The following EGF variants were observed in gnomAD, a reference collection of about 807,000 sequenced individuals.
The protein encoded by EGF is epidermal growth factor, also known as pro-epidermal growth factor.
A neutral mutation model predicts 143.8 loss-of-function variants in EGF; 95 were observed. That is an observed-to-expected ratio of 0.66 (90% CI 0.56 to 0.78). EGF has a LOEUF of 0.78. Among genes scored for constraint, EGF ranks in the 30% least tolerant of loss-of-function variants. The pLI, the probability that EGF is intolerant of heterozygous loss-of-function variation, is 0.00. For synonymous variants in EGF, 510 were observed against 510.5 expected (o/e 1.00, Z 0.01); for missense variants, 1,320 against 1,470.9 (o/e 0.90, Z 1.68).
intron 2 of EGF, among the ~76,000 whole-genome samples, chr4:109,941,636 C>T (rs951684815): frequency 6.6e-6 from 1 of 152,048 alleles, no homozygotes; most frequent in Non-Finnish European, 1.5e-5. Context: ...AGAACAGCCC[C>T]AGAATAAAGA....
chr4:109,950,216 A>G (rs1232637760), intron 5 of EGF, among the ~76,000 whole-genome samples: 1 of 152,024 alleles, frequency 6.6e-6, no homozygotes, highest in Non-Finnish European at 1.5e-5. Context: ...TAACTAACCT[A>G]CCAACTTTCA....
chr4:109,951,726 G>A (rs187503598), intron 5 of EGF, among the ~76,000 whole-genome samples: 1 of 152,164 alleles, frequency 6.6e-6, no homozygotes, highest in African/African-American at 2.4e-5. Flanking sequence ...CCTGTTGAAG[G>A]TCACAGGGTG....
At position 110,013,294 on chromosome 4, in the gene EGF, G is replaced by A. The variant is rs1038901531; in HGVS notation, c.*1839G>A. On this transcript the variant is annotated 3_prime_UTR_variant, in exon 24 of 24. Coordinates refer to ENST00000265171, the MANE Select transcript of EGF (RefSeq NM_001963.6). ...ATTTTAGCACCTTTTTCTTTTAGGGGTTCAATGATGACAAAAGAAATGACA... is the reference window on the plus strand; with the variant it reads ...ATTTTAGCACCTTTTTCTTTTAGGGATTCAATGATGACAAAAGAAATGACA... 6.6e-6 allele frequency among the ~76,000 whole-genome samples: 1 copy of A among 151,980 alleles called. No homozygotes were observed. The highest frequency in any genetic ancestry group is 1.5e-5 in the Non-Finnish European group (1 of 68,014).
At chr4:109,996,588 C>A (rs1751824838) in intron 20 of EGF, among the ~76,000 whole-genome samples, 1 of 152,230 alleles carries the variant, frequency 6.6e-6, no homozygotes, top group Non-Finnish European at 1.5e-5. Context: ...CTTTACCCAT[C>A]CAACTTTTAT....
chr4:109,955,796 G>C (rs535956097), intron 5 of EGF, among the ~76,000 whole-genome samples: 1 of 152,150 alleles, frequency 6.6e-6, no homozygotes, highest in Non-Finnish European at 1.5e-5. Flanking sequence ...AAAAGGCACC[G>C]TGCTAGGTGT....
Position 109,944,086 on chromosome 4 carries a change from G to T in EGF, c.737+17G>T, listed in dbSNP as rs1330020993. 4 of 1,608,890 alleles carry T rather than the reference G, an allele frequency of 2.5e-6. No homozygotes were observed. Among genetic ancestry groups the T allele is most frequent in the Non-Finnish European group, 2.6e-6 (3 of 1,175,950 alleles). ...TCCAACACAGTAAGTTTTACTCTTG[G>T]TATAAAATAAAACAATTGTCATTTG... On this transcript the variant is annotated intron_variant, in intron 4 of 23. Transcript: ENST00000265171.
rs1739874444 is a variant in EGF at position 109,932,360 on chromosome 4, C to CATGTATATATATATATATATATATAT, written c.128-8584_128-8583insGTATATATATATATATATATATATAT. On this transcript the variant is annotated intron_variant, in intron 1 of 23. Coordinates refer to ENST00000265171, the MANE Select transcript of EGF (RefSeq NM_001963.6). ...TTTACATGAAAACCTCCCATTTAGTCATATATATATATATATAAATTTTTT... is the reference window on the plus strand; with the variant it reads ...TTTACATGAAAACCTCCCATTTAGTCATGTATATATATATATATATATATATATATATATATATATATAAATTTTTT... 6.2e-4 allele frequency among the ~76,000 whole-genome samples: 54 copies of CATGTATATATATATATATATATATAT among 87,034 alleles called. 1 individual carries two copies. Among genetic ancestry groups the CATGTATATATATATATATATATATAT allele is most frequent in the African/African-American group, 2.2e-3 (50 of 22,686 alleles). 57.1% of individuals were successfully genotyped at this position (87,034 alleles called of 152,430 possible). A position where few individuals can be genotyped will look rare whatever the true frequency, so the allele number is the denominator to read the frequency against.
intron 1 of EGF, among the ~76,000 whole-genome samples, chr4:109,924,223 T>C (rs989987385): frequency 6.6e-6 from 1 of 151,602 alleles, no homozygotes; most frequent in Non-Finnish European, 1.5e-5. Flanking sequence ...TATGAGAATA[T>C]AGCTCAGGAC....
Position 109,999,737 on chromosome 4 carries a change from C to T in EGF, c.3064C>T (p.Leu1022=), listed in dbSNP as rs1752309602. 1.2e-6 allele frequency: 2 copies of T among 1,613,992 alleles called. No individual in the cohort carries two copies. The highest frequency in any genetic ancestry group is 1.3e-5 in the African/African-American group (1 of 74,900). Residue 1022 remains leucine (L), a synonymous_variant, in exon 21 of 24, where the codon CTG becomes TTG. Coordinates refer to ENST00000265171, the MANE Select transcript of EGF (RefSeq NM_001963.6). The stretch of plus-strand genomic sequence containing the variant: ...GTACCGAGACCTGAAGTGGTGGGAA[C>T]TGCGCCACGCTGGCCACGGGCAGCA... ...CQYRDLKWWE[L]RHAGHGQQQK...
At chr4:109,980,196 A>T in intron 14 of EGF, 57 bp downstream of exon 14, 8 of 1,494,620 alleles carry the variant, frequency 5.4e-6, no homozygotes, top group Non-Finnish European at 7.2e-6. Context: ...AACTGTTTTA[A>T]TTGTTTGATG....
intron 1 of EGF, among the ~76,000 whole-genome samples, chr4:109,938,392 T>A (rs1319201123): frequency 6.6e-6 from 1 of 152,238 alleles, no homozygotes; most frequent in Admixed American, 6.5e-5. Flanking sequence ...CTCTACACTG[T>A]TGATTCTAGT....
intron 5 of EGF, among the ~76,000 whole-genome samples, chr4:109,957,947 A>G (rs1283403993): frequency 6.6e-6 from 1 of 152,186 alleles, no homozygotes; most frequent in African/African-American, 2.4e-5. Flanking sequence ...GTATTTTACA[A>G]TGGTGCTATT....
At chr4:109,948,477 A>C (rs1743228927) in intron 5 of EGF, among the ~76,000 whole-genome samples, 1 of 151,960 alleles carries the variant, frequency 6.6e-6, no homozygotes, top group African/African-American at 2.4e-5. Context: ...TGTGTTTGAC[A>C]TCCTTCGGAT....
chr4:109,968,317 C>A (rs1746940878), intron 10 of EGF, among the ~76,000 whole-genome samples: 1 of 152,062 alleles, frequency 6.6e-6, no homozygotes, highest in Non-Finnish European at 1.5e-5. Context: ...AAGAATTTAT[C>A]CAAAGCAATC....
rs558588569 is a variant in EGF at position 109,967,288 on chromosome 4, T to C, written c.1576-1683T>C. Among the ~76,000 whole-genome samples, 10 of 152,364 alleles carry C rather than the reference T, an allele frequency of 6.6e-5. No homozygotes were observed. In the East Asian group the frequency reaches 1.9e-3, roughly 29 times the overall value. On this transcript the variant is annotated intron_variant, in intron 10 of 23. Transcript: ENST00000265171. ...CTCCAATTTCCCCAGCACAATTTAT[T>C]GAATAAGATATCCTTTTCCCAACGT... is the stretch of plus-strand genomic sequence containing the variant.
chr4:109,941,244 A>G (rs1741878527), intron 2 of EGF, 99 bp downstream of exon 2: 1 of 1,142,674 alleles, frequency 8.8e-7, no homozygotes, highest in African/African-American at 1.6e-5. Context: ...AAATTATATA[A>G]CAGTTCAAAT....
At chr4:109,930,200 A>G (rs1739444564) in intron 1 of EGF, among the ~76,000 whole-genome samples, 1 of 152,130 alleles carries the variant, frequency 6.6e-6, no homozygotes, top group African/African-American at 2.4e-5. Flanking sequence ...AGTCTTGGGT[A>G]TTTCTTTATA....
At chr4:109,987,910 C>T in intron 17 of EGF, 50 bp downstream of exon 17, 1 of 1,402,702 alleles carries the variant, frequency 7.1e-7, no homozygotes, top group Non-Finnish European at 1.0e-6. Flanking sequence ...GAACCAGAAA[C>T]ATTTTTTCTG....
In EGF at chr4:109,999,849, G is replaced by T; in HGVS notation, c.3173+3G>T. On this transcript the variant is annotated splice_donor_region_variant and intron_variant, in intron 21 of 23. Coordinates refer to ENST00000265171, the MANE Select transcript of EGF (RefSeq NM_001963.6). ...CTGTGGGGGGCCCACTACTACAGGT[G>T]ACCCTGTCTTTCCTTTGGTACTGGA... 1 of 1,613,118 alleles carries T rather than the reference G, an allele frequency of 6.2e-7. No individual in the cohort carries two copies. Among genetic ancestry groups the T allele is most frequent in the Middle Eastern group, 1.9e-4 (1 of 5,220 alleles).
Sources: allele counts gnomAD v4.1 joint callset (sites outside exome capture counted in the v4.1 genomes callset), GRCh38; gene constraint gnomAD v4.1.1; transcripts MANE v1.5; gene names NCBI Gene and HGNC (gene_info 2026-07-23, HGNC 2026-07-21).